MINDY3: variants seen among roughly 807,000 people sequenced by gnomAD.
MINDY3 encodes the protein ubiquitin carboxyl-terminal hydrolase MINDY-3.
MINDY3 carries 38 observed loss-of-function variants against 69.2 expected under a neutral mutation model. The observed-to-expected ratio is 0.55, with a 90% CI of 0.42 to 0.72. The LOEUF (loss-of-function observed/expected upper bound fraction) is 0.72, where lower values mean the gene tolerates loss of function less well. MINDY3 is among the 30% of genes least tolerant of loss of function. The pLI is 0.00. For missense variants in MINDY3, 522 were observed against 519.0 expected (o/e 1.01, Z -0.06); for synonymous variants, 192 against 180.1 (o/e 1.07, Z -0.53).
intron 10 of MINDY3, among the ~76,000 whole-genome samples, chr10:15,810,759 C>CAG: frequency 6.6e-6 from 1 of 152,156 alleles, no homozygotes; most frequent in South Asian, 2.1e-4. Context: ...GAGCTTACTA[C>CAG]AGAGAGAGAC....
In MINDY3 at chr10:15,779,131, A is replaced by G; in HGVS notation, c.1199T>C (p.Val400Ala). The change falls in exon 15 of 15, where the codon GTA (valine) becomes GCA (alanine). Residue 400 changes from valine to alanine, a missense_variant. By Grantham distance (64) the Val-to-Ala change is moderately conservative. Transcript: ENST00000277632. ...QSNYNEKVMY[V>A]EGTAVVMGFE... The stretch of plus-strand genomic sequence containing the variant: ...ACCCATCACAACTGCAGTCCCTTCT[A>G]CGTACATGACCTGTTGAACAAAATA... 1 of 1,613,360 alleles carries G rather than the reference A, an allele frequency of 6.2e-7. No homozygotes were observed.
In MINDY3 at chr10:15,850,854, T is replaced by C. The variant is rs138864241; in HGVS notation, c.95-2911A>G. On this transcript the variant is annotated intron_variant, in intron 1 of 14. Transcript: ENST00000277632. ...GGGGGCATCATGGAACCTGCTGACA[T>C]GTGATGTCTCCCCCCGACACCCAGC... Among the ~76,000 whole-genome samples the C allele has an allele frequency of 4.5e-3, 690 of 152,284 alleles. 40 individuals carry two copies. In the East Asian group the frequency reaches 0.12, roughly 27 times the overall value.
chr10:15,802,876 C>A (rs960163904), intron 10 of MINDY3, among the ~76,000 whole-genome samples: 1 of 151,694 alleles, frequency 6.6e-6, no homozygotes, highest in African/African-American at 2.4e-5. Flanking sequence ...CTAATTTGGT[C>A]AACTCTTTAG....
chr10:15,816,280 ATG>A lies in MINDY3; in HGVS notation c.882+553_882+554del, dbSNP rs139936633. 4.3e-3 allele frequency among the ~76,000 whole-genome samples: 601 copies of A among 139,658 alleles called. 14 individuals are homozygous for A. Among genetic ancestry groups the A allele is most frequent in the African/African-American group, 0.015 (505 of 33,366 alleles). The allele number at this position is 139,658 out of a possible 152,430, so 91.6% of individuals were successfully genotyped here. A position where few individuals can be genotyped will look rare whatever the true frequency, so the allele number is the denominator to read the frequency against. ...CATCTCAAAAAAAAAAAAAAAAAAA[ATG>A]AAAAAGAAAAAAAATAAAAAAGACA... is the stretch of plus-strand genomic sequence containing the variant. On this transcript the variant is annotated intron_variant, in intron 10 of 14. Coordinates refer to ENST00000277632, the MANE Select transcript of MINDY3 (RefSeq NM_024948.4).
chr10:15,857,864 CTA>C (rs1412076267), intron 1 of MINDY3: 24 of 721,296 alleles, frequency 3.3e-5, no homozygotes, highest in African/African-American at 1.9e-4. Flanking sequence ...TGAAATATCT[CTA>C]GACATAATTG....
At chr10:15,787,521 TC>T (rs1837066664) in intron 12 of MINDY3, among the ~76,000 whole-genome samples, 1 of 152,204 alleles carries the variant, frequency 6.6e-6, no homozygotes, top group Non-Finnish European at 1.5e-5. Flanking sequence ...GCAACTTCTC[TC>T]CTTTCAGTTT....
chr10:15,848,633 C>CAAAAAAAAAAAAAAAAAAAAA (rs10719399), intron 1 of MINDY3, among the ~76,000 whole-genome samples: 19 of 48,800 alleles, frequency 3.9e-4, no homozygotes, highest in African/African-American at 2.4e-3. Flanking sequence ...GACTTCATCT[C>CAAAAAAAAAAAAAAAAAAAAA]AAAAAAAAAA....
At chr10:15,830,137 G>T (rs776559007) in intron 8 of MINDY3, among the ~76,000 whole-genome samples, 37 of 152,202 alleles carry the variant, frequency 2.4e-4, no homozygotes, top group Non-Finnish European at 5.3e-4. Context: ...ATGGCAAGCT[G>T]CATAACCAAT....
At chr10:15,834,055 C>T (rs1182234209) in intron 7 of MINDY3, among the ~76,000 whole-genome samples, 1 of 151,786 alleles carries the variant, frequency 6.6e-6, no homozygotes, top group Non-Finnish European at 1.5e-5. Flanking sequence ...ATGAAAGATA[C>T]ATGAACTTTC....
chr10:15,832,980 T>A (rs567392780), intron 8 of MINDY3, among the ~76,000 whole-genome samples: 16 of 152,192 alleles, frequency 1.1e-4, no homozygotes, highest in Non-Finnish European at 1.9e-4. Context: ...GGTTACTTAA[T>A]GTAAGTTAAA....
At chr10:15,843,089 A>C (rs1006847198) in intron 3 of MINDY3, 123 bp downstream of exon 3, 5 of 792,796 alleles carry the variant, frequency 6.3e-6, no homozygotes, top group Non-Finnish European at 1.0e-5. Context: ...ACTTTCTAAA[A>C]CATTTTAAAA....
At chr10:15,838,583 C>G (rs1228955452) in intron 4 of MINDY3, among the ~76,000 whole-genome samples, 1 of 151,690 alleles carries the variant, frequency 6.6e-6, no homozygotes, top group African/African-American at 2.4e-5. Context: ...CCTCACATAT[C>G]ATAATGTGTC....
Position 15,786,543 on chromosome 10 carries a change from T to G in MINDY3, c.1116+18A>C. ...TCCCAACAGAATAACAATGAATATATTTCCTCAACTATGTTACCTGATCAG... is the reference window on the plus strand; with the variant it reads ...TCCCAACAGAATAACAATGAATATAGTTCCTCAACTATGTTACCTGATCAG... On this transcript the variant is annotated intron_variant, in intron 13 of 14. Transcript: ENST00000277632. The G allele has an allele frequency of 7.3e-7, 1 of 1,363,252 alleles. No individual in the cohort carries two copies. The allele number at this position is 1,363,252 out of a possible 1,614,324, so 84.4% of individuals were successfully genotyped here. A position where few individuals can be genotyped will look rare whatever the true frequency, so the allele number is the denominator to read the frequency against.
At chr10:15,825,858 A>G (rs2132022092) in intron 8 of MINDY3, among the ~76,000 whole-genome samples, 1 of 152,338 alleles carries the variant, frequency 6.6e-6, no homozygotes, top group East Asian at 1.9e-4. Context: ...TTATAAAAAC[A>G]AAACAAAAAC....
At chr10:15,856,521 A>T (rs532614091) in intron 1 of MINDY3, among the ~76,000 whole-genome samples, 12 of 152,208 alleles carry the variant, frequency 7.9e-5, no homozygotes, top group African/African-American at 2.9e-4. Flanking sequence ...AAGGAAAATA[A>T]TTGGAAGAAG....
At chr10:15,805,711 C>G (rs560927451) in intron 10 of MINDY3, among the ~76,000 whole-genome samples, 45 of 152,156 alleles carry the variant, frequency 3.0e-4, no homozygotes, top group Non-Finnish European at 5.7e-4. Flanking sequence ...TAGCTCCTAG[C>G]AGAAACTTTA....
intron 11 of MINDY3, among the ~76,000 whole-genome samples, chr10:15,790,858 C>T (rs1474697004): frequency 1.3e-5 from 2 of 152,024 alleles, no homozygotes; most frequent in African/African-American, 2.4e-5. Flanking sequence ...GTCTGTACAC[C>T]GTTTTTCAGG....
chr10:15,784,351 A>C (rs1836787087), intron 13 of MINDY3, among the ~76,000 whole-genome samples: 1 of 152,108 alleles, frequency 6.6e-6, no homozygotes, highest in Non-Finnish European at 1.5e-5. Flanking sequence ...CTTCCACAGG[A>C]CCTACTTGAA....
chr10:15,780,744 T>C (rs1836461681), intron 14 of MINDY3, among the ~76,000 whole-genome samples: 1 of 152,248 alleles, frequency 6.6e-6, no homozygotes, highest in African/African-American at 2.4e-5. Context: ...TATATTACTG[T>C]CATTTTAACA....
Sources: gnomAD v4.1 joint callset for allele counts (sites outside exome capture counted in the v4.1 genomes callset) on GRCh38, gnomAD v4.1.1 for gene constraint, MANE v1.5 for transcripts, NCBI Gene and HGNC (gene_info 2026-07-23, HGNC 2026-07-21) for gene names.